PCCB: variants seen among roughly 807,000 people sequenced by gnomAD.
The protein encoded by PCCB is propionyl-CoA carboxylase beta chain, mitochondrial.
Under a neutral mutation model 60.7 loss-of-function variants are expected in PCCB, and 43 were observed. That is an observed-to-expected ratio of 0.71 (90% CI 0.55 to 0.91). The LOEUF is 0.91. PCCB is among the 40% of genes least tolerant of loss of function. The pLI is 0.00. For synonymous variants in PCCB, 276 were observed against 255.9 expected, an observed-to-expected ratio of 1.08 and a Z score of -0.75; for missense variants, 766 against 702.8, an observed-to-expected ratio of 1.09 and a Z score of -1.02.
At chr3:136,273,590 CTTTTTTCTTTTTTT>C (rs1942258274) in intron 5 of PCCB, among the ~76,000 whole-genome samples, 1 of 65,638 alleles carries the variant, frequency 1.5e-5, no homozygotes, top group Non-Finnish European at 3.2e-5. Flanking sequence ...TTTTTTTTTT[CTTTTTTCTTTTTTT>C]TTTTTTTTTT....
intron 5 of PCCB, among the ~76,000 whole-genome samples, chr3:136,263,065 C>T (rs572595761): frequency 6.6e-6 from 1 of 150,830 alleles, no homozygotes; most frequent in Admixed American, 6.6e-5. Context: ...AGTGATTCTC[C>T]TGCCTCAGCC....
intron 7 of PCCB, 72 bp from the exon 8 acceptor site, chr3:136,297,880 G>T (rs1934006859): frequency 1.9e-6 from 3 of 1,588,890 alleles, no homozygotes; most frequent in African/African-American, 1.3e-5. Context: ...GAAGGGCGCA[G>T]TCAGGCATGA....
intron 5 of PCCB, among the ~76,000 whole-genome samples, chr3:136,279,310 T>C (rs1002190501): frequency 2.0e-5 from 3 of 152,224 alleles, no homozygotes; most frequent in African/African-American, 7.2e-5. Context: ...AAAGAAGGAT[T>C]TACTTCTGCC....
At chr3:136,322,068 TC>T (rs1180783625) in intron 10 of PCCB, among the ~76,000 whole-genome samples, 1 of 152,264 alleles carries the variant, frequency 6.6e-6, no homozygotes, top group Non-Finnish European at 1.5e-5. Flanking sequence ...ACTTCTAGTT[TC>T]TTACAAGTAA....
chr3:136,327,550 A>C, intron 12 of PCCB, 84 bp from the exon 13 acceptor site: 2 of 1,074,874 alleles, frequency 1.9e-6, no homozygotes, highest in Admixed American at 1.8e-5. Flanking sequence ...TCTTTGTCCC[A>C]ATTTTACCTG....
At chr3:136,259,663 C>T (rs1319445507) in intron 3 of PCCB, among the ~76,000 whole-genome samples, 2 of 152,142 alleles carry the variant, frequency 1.3e-5, no homozygotes, top group African/African-American at 2.4e-5. Context: ...AATTCATGAA[C>T]TTCCTTTAAG....
intron 5 of PCCB, among the ~76,000 whole-genome samples, chr3:136,277,683 G>A (rs192629950): frequency 4.6e-5 from 7 of 152,148 alleles, no homozygotes; most frequent in Non-Finnish European, 8.8e-5. Context: ...AGAAGAGATC[G>A]CACAGTGTGT....
chr3:136,288,296 T>C (rs1310093894), intron 6 of PCCB, among the ~76,000 whole-genome samples: 4 of 152,186 alleles, frequency 2.6e-5, no homozygotes, highest in Non-Finnish European at 2.9e-5. Context: ...GTTTTTCTTT[T>C]AATTTTAAAA....
intron 7 of PCCB, 98 bp from the exon 8 acceptor site, chr3:136,297,854 C>T (rs997319095): frequency 8.9e-6 from 12 of 1,348,656 alleles, no homozygotes; most frequent in African/African-American, 2.9e-5. Flanking sequence ...GCACGGTCTG[C>T]TACTGACATG....
chr3:136,311,578 G>A (rs1007417061), intron 9 of PCCB, among the ~76,000 whole-genome samples: 3 of 152,044 alleles, frequency 2.0e-5, no homozygotes, highest in South Asian at 2.1e-4. Context: ...GGGCTCAAGC[G>A]ATCCTTCTGC....
At chr3:136,295,824 T>C (rs1253814925) in intron 7 of PCCB, among the ~76,000 whole-genome samples, 1 of 152,080 alleles carries the variant, frequency 6.6e-6, no homozygotes, top group Non-Finnish European at 1.5e-5. Context: ...CATACTCTTA[T>C]GTAACCTGAG....
chr3:136,251,288 G>A (rs1353478434), intron 1 of PCCB: 1 of 456,702 alleles, frequency 2.2e-6, no homozygotes, highest in Admixed American at 2.3e-5. Context: ...GCCCATTTTG[G>A]AGAGGTGATC....
At chr3:136,285,006 C>T (rs925187970) in intron 6 of PCCB, among the ~76,000 whole-genome samples, 2 of 150,232 alleles carry the variant, frequency 1.3e-5, no homozygotes, top group African/African-American at 2.5e-5. Flanking sequence ...GAGGATCACT[C>T]GAGCCCAGAA....
rs147087364 is a variant in PCCB, at chr3:136,264,675, C to T, written c.543+2610C>T. On this transcript the variant is annotated intron_variant, in intron 5 of 14. Coordinates refer to ENST00000251654, the MANE Select transcript of PCCB (RefSeq NM_000532.5). Reference sequence around the variant, plus strand: ...GATCACGAGGTCAGGAGATCAAGACCGTCCTGGCTAACACGGTGAAACCCC... The same window carrying T: ...GATCACGAGGTCAGGAGATCAAGACTGTCCTGGCTAACACGGTGAAACCCC... Among the ~76,000 whole-genome samples, 1,256 of 150,432 alleles carry T rather than the reference C, an allele frequency of 8.3e-3. 12 individuals are homozygous for T. The highest frequency in any genetic ancestry group is 0.014 in the Middle Eastern group (4 of 284).
intron 6 of PCCB, among the ~76,000 whole-genome samples, chr3:136,284,740 T>C (rs1933296859): frequency 6.6e-6 from 1 of 152,118 alleles, no homozygotes; most frequent in Non-Finnish European, 1.5e-5. Context: ...CTGTTCTTAG[T>C]GATATACCGA....
chr3:136,274,834 T>C (rs1030787909), intron 5 of PCCB, among the ~76,000 whole-genome samples: 1 of 152,118 alleles, frequency 6.6e-6, no homozygotes, highest in Admixed American at 6.5e-5. Context: ...CTTTTTTTTT[T>C]TTTCTTTCTT....
chr3:136,281,446 T>C (rs2108178078), intron 5 of PCCB, among the ~76,000 whole-genome samples: 1 of 152,114 alleles, frequency 6.6e-6, no homozygotes, highest in East Asian at 1.9e-4. Context: ...CCAGGCTTTC[T>C]GCTTGGTTCC....
chr3:136,307,805 A>G (rs750192922), intron 9 of PCCB, among the ~76,000 whole-genome samples: 2 of 151,798 alleles, frequency 1.3e-5, no homozygotes, highest in African/African-American at 2.4e-5. Context: ...GAGAAACCCT[A>G]TCTCTACTGA....
At chr3:136,268,084 G>GTA (rs1296672355) in intron 5 of PCCB, among the ~76,000 whole-genome samples, 5 of 60,940 alleles carry the variant, frequency 8.2e-5, no homozygotes, top group African/African-American at 2.3e-4. Context: ...GTGTGTGTGT[G>GTA]TAGATATATA....
Sources: gnomAD v4.1 joint callset for allele counts (sites outside exome capture counted in the v4.1 genomes callset) on GRCh38, gnomAD v4.1.1 for gene constraint, MANE v1.5 for transcripts, NCBI Gene and HGNC (gene_info 2026-07-23, HGNC 2026-07-21) for gene names.